The following NLRP11 variants were observed in gnomAD, a reference collection of about 807,000 sequenced individuals.
NLRP11 encodes the protein NLR family pyrin domain containing 11.
Under a neutral mutation model 79.3 loss-of-function variants are expected in NLRP11, and 53 were observed. The ratio of observed to expected loss-of-function variants is 0.67; its 90% CI spans 0.54 to 0.84. The LOEUF is 0.84. NLRP11 is among the 40% of genes least tolerant of loss of function. The pLI is 0.00. For missense variants in NLRP11, 1,264 were observed against 1,255.0 expected (o/e 1.01, Z -0.11); for synonymous variants, 518 against 462.6 (o/e 1.12, Z -1.54).
In NLRP11 at chr19:55,815,889, G is replaced by A. The variant is rs1015558813; in HGVS notation, c.271+2015C>T. 7.2e-5 allele frequency among the ~76,000 whole-genome samples: 11 copies of A among 152,210 alleles called. No homozygotes were observed. The South Asian group carries it at 2.1e-3, about 29-fold the overall frequency. ...GCCAGGTATAGCTTTAAATATAGAAGAAGCCTAAACAAAAAGATACTTGTG... is the reference window on the plus strand; with the variant it reads ...GCCAGGTATAGCTTTAAATATAGAAAAAGCCTAAACAAAAAGATACTTGTG... On this transcript the variant is annotated intron_variant, in intron 2 of 9. Transcript: ENST00000589093.
chr19:55,819,116 T>A (rs1453582867), intron 1 of NLRP11, among the ~76,000 whole-genome samples: 1 of 141,450 alleles, frequency 7.1e-6, no homozygotes, highest in Non-Finnish European at 1.5e-5. Context: ...CTGTACTGAG[T>A]GGTATCGCCT....
intron 5 of NLRP11, chr19:55,801,032 A>T (rs1004951694): frequency 1.3e-5 from 2 of 152,566 alleles, no homozygotes; most frequent in Non-Finnish European, 2.9e-5. Flanking sequence ...ATACAAAATT[A>T]GCTGGGCATG....
intron 5 of NLRP11, among the ~76,000 whole-genome samples, chr19:55,800,103 G>C (rs1054268522): frequency 1.9e-4 from 29 of 152,210 alleles, no homozygotes; most frequent in African/African-American, 6.8e-4. Flanking sequence ...AGCAGCTTGA[G>C]AATACAGGAG....
Position 55,809,241 on chromosome 19 carries a change from A to G in NLRP11, c.1369T>C (p.Cys457Arg). ...GCCATCAGAAATGCAATGGCTGTAC[A>G]AAACTCCTGGACGTTCAAGTGTATG... Residue 457 changes from cysteine to arginine, a missense_variant, in exon 3 of 10, where the codon TGT (cysteine) becomes CGT (arginine). By Grantham distance (180) the Cys-to-Arg change is radical. Coordinates refer to ENST00000589093, the Ensembl canonical transcript of NLRP11. This position sits in a 1 kb window ranked among gnomAD's most constrained non-coding sequence, Gnocchi z 4.5. 3 of 1,614,048 alleles carry G rather than the reference A, an allele frequency of 1.9e-6. No individual in the cohort carries two copies. Among genetic ancestry groups the G allele is most frequent in the Non-Finnish European group, 2.5e-6 (3 of 1,179,902 alleles).
chr19:55,815,170 A>T (rs1980978081), intron 2 of NLRP11, among the ~76,000 whole-genome samples: 1 of 152,206 alleles, frequency 6.6e-6, no homozygotes, highest in Admixed American at 6.5e-5. Flanking sequence ...CAAATGTTTT[A>T]AAAAGAACAT....
chr19:55,804,682 A>G (rs964111931), intron 4 of NLRP11, among the ~76,000 whole-genome samples: 4 of 152,184 alleles, frequency 2.6e-5, no homozygotes, highest in Middle Eastern at 3.2e-3. Context: ...CTTATAGTCT[A>G]TATACAAAAT....
chr19:55,808,828 A>C (rs1384583686), exon 3 of NLRP11: 1 of 1,612,894 alleles, frequency 6.2e-7, no homozygotes, highest in Non-Finnish European at 8.5e-7. Context: ...CACTCAACTT[A>C]AGTGTCCTCA....
intron 9 of NLRP11, among the ~76,000 whole-genome samples, chr19:55,788,109 G>A (rs1171958969): frequency 2.0e-5 from 3 of 151,624 alleles, no homozygotes; most frequent in African/African-American, 7.3e-5. Flanking sequence ...AGGTAACACA[G>A]AAAGGAAGAG....
intron 2 of NLRP11, among the ~76,000 whole-genome samples, chr19:55,815,012 C>T (rs1980955003): frequency 1.3e-5 from 2 of 152,016 alleles, no homozygotes; most frequent in Non-Finnish European, 2.9e-5. Flanking sequence ...CTGTCAATTA[C>T]ATCACAATAA....
At chr19:55,816,850 G>A (rs1183196615) in intron 2 of NLRP11, among the ~76,000 whole-genome samples, 2 of 152,158 alleles carry the variant, frequency 1.3e-5, no homozygotes, top group Non-Finnish European at 2.9e-5. Context: ...AATAAAGGTA[G>A]GATCATAAAG....
intron 4 of NLRP11, among the ~76,000 whole-genome samples, chr19:55,805,785 C>A (rs1233214484): frequency 6.6e-6 from 1 of 152,182 alleles, no homozygotes. Context: ...AGTGATCCAC[C>A]CGCCTCAGCC....
chr19:55,797,993 A>ATTT (rs200637929), intron 5 of NLRP11, among the ~76,000 whole-genome samples: 11 of 137,026 alleles, frequency 8.0e-5, no homozygotes, highest in African/African-American at 2.7e-4. Flanking sequence ...ATTCTATATT[A>ATTT]TTATTATTTT....
At chr19:55,830,598 T>TTA (rs752782865) in intron 1 of NLRP11, among the ~76,000 whole-genome samples, 3 of 129,226 alleles carry the variant, frequency 2.3e-5, no homozygotes, top group Non-Finnish European at 3.2e-5. Flanking sequence ...CTTAGCTTCC[T>TTA]AAAAAAAAAA....
At chr19:55,815,373 A>G (rs770289448) in intron 2 of NLRP11, among the ~76,000 whole-genome samples, 2 of 152,028 alleles carry the variant, frequency 1.3e-5, no homozygotes, top group Non-Finnish European at 2.9e-5. Flanking sequence ...TACTAAAAAC[A>G]CAAAAATGAG....
upstream of NLRP11, among the ~76,000 whole-genome samples, chr19:55,833,587 A>C (rs1376414950): frequency 6.6e-6 from 1 of 151,788 alleles, no homozygotes; most frequent in Non-Finnish European, 1.5e-5. Context: ...AACACGGTGA[A>C]ACCCCCGTCT....
chr19:55,835,766 T>A (rs1483518741), upstream of NLRP11, among the ~76,000 whole-genome samples: 1 of 149,368 alleles, frequency 6.7e-6, no homozygotes, highest in Non-Finnish European at 1.5e-5. Flanking sequence ...TCAGAACACT[T>A]GAGGTCAAGG....
At chr19:55,829,455 G>A (rs1363611762) in intron 1 of NLRP11, among the ~76,000 whole-genome samples, 1 of 151,914 alleles carries the variant, frequency 6.6e-6, no homozygotes, top group Non-Finnish European at 1.5e-5. Context: ...ACGAGGTCAG[G>A]AGATCGAGAC....
chr19:55,811,010 A>C (rs1255470783), intron 2 of NLRP11, among the ~76,000 whole-genome samples: 5 of 152,142 alleles, frequency 3.3e-5, no homozygotes, highest in Non-Finnish European at 7.4e-5. Context: ...CCTTTGAGGC[A>C]ATAACTCGAG....
rs1980415850 is a variant in NLRP11, at chr19:55,809,823, G to C, written c.787C>G (p.Leu263Val). The C allele has an allele frequency of 6.2e-7, 1 of 1,614,050 alleles. No individual in the cohort carries two copies. The highest frequency in any genetic ancestry group is 8.5e-7 in the Non-Finnish European group (1 of 1,180,034). Residue 263 changes from leucine to valine, a missense_variant, in exon 3 of 10, where the codon CTG becomes GTG. Coordinates refer to ENST00000589093, the Ensembl canonical transcript of NLRP11. This position sits in a 1 kb window ranked among gnomAD's most constrained non-coding sequence, Gnocchi z 4.5. ...CAGCCTGGAGCCATTTTTCTCTTCA[G>C]CAAACTGACCAGGAGAACTGGAATG...
Sources: gnomAD v4.1 joint callset for allele counts (sites outside exome capture counted in the v4.1 genomes callset) on GRCh38, gnomAD v4.1.1 for gene constraint, Gnocchi (gnomAD v3.1) non-coding constraint, MANE v1.5 for transcripts, NCBI Gene and HGNC (gene_info 2026-07-23, HGNC 2026-07-21) for gene names.